Variants in WDR25 observed in about 807,000 individuals in gnomAD.
WDR25 encodes WD repeat-containing protein 25.
WDR25 carries 35 observed loss-of-function variants against 47.7 expected under a neutral mutation model. The ratio of observed to expected loss-of-function variants is 0.73; its 90% CI spans 0.56 to 0.97. The LOEUF (loss-of-function observed/expected upper bound fraction) is 0.97. WDR25 is among the 50% of genes least tolerant of loss of function. The probability of loss-of-function intolerance (pLI) is 0.00; values close to 1 mark genes in which losing one functional copy is unlikely to be tolerated. For synonymous variants in WDR25, 248 were observed against 278.9 expected (o/e 0.89, Z 1.10); for missense variants, 634 against 704.7 (o/e 0.90, Z 1.14).
intron 2 of WDR25, among the ~76,000 whole-genome samples, chr14:100,456,443 C>T (rs1899206426): frequency 3.9e-5 from 6 of 152,102 alleles, no homozygotes; most frequent in Admixed American, 3.9e-4. Context: ...CCAGAAATGG[C>T]ACAGATGATA....
chr14:100,497,761 ACT>A (rs1900782284), intron 4 of WDR25, among the ~76,000 whole-genome samples: 1 of 151,916 alleles, frequency 6.6e-6, no homozygotes. Context: ...CTGTCCTCCA[ACT>A]CTCTAGTGAT....
At chr14:100,456,893 C>T (rs554841525) in intron 2 of WDR25, among the ~76,000 whole-genome samples, 50 of 152,304 alleles carry the variant, frequency 3.3e-4, no homozygotes, top group African/African-American at 1.2e-3. Flanking sequence ...TCTCAGTGAA[C>T]CCCTGGCACA....
At chr14:100,461,349 A>G (rs573587121) in intron 2 of WDR25, among the ~76,000 whole-genome samples, 3 of 152,370 alleles carry the variant, frequency 2.0e-5, no homozygotes, top group South Asian at 4.1e-4. Context: ...CATACGAGAA[A>G]TCAACAATCT....
At chr14:100,417,322 A>T (rs1412030128) in intron 2 of WDR25, among the ~76,000 whole-genome samples, 1 of 152,244 alleles carries the variant, frequency 6.6e-6, no homozygotes, top group Non-Finnish European at 1.5e-5. Flanking sequence ...GGCACATGCC[A>T]CATGCTTTGC....
chr14:100,513,662 G>A (rs940745381), intron 4 of WDR25, among the ~76,000 whole-genome samples: 4 of 150,502 alleles, frequency 2.7e-5, no homozygotes, highest in African/African-American at 4.9e-5. Flanking sequence ...CTAATGAATT[G>A]ATTCTTTTAT....
rs75711880 is a variant in WDR25 at position 100,457,780 on chromosome 14, A to G, written c.823-10241A>G. Among the ~76,000 whole-genome samples, 1,088 of 152,332 alleles carry G rather than the reference A, an allele frequency of 7.1e-3. 20 individuals carry two copies. Among genetic ancestry groups the G allele is most frequent in the African/African-American group, 0.025 (1,032 of 41,572 alleles). ...TGTAGATGTAAAATACACAATAACAATAGCACAAAGGCTAGGATGGAGGAG... is the reference window on the plus strand; with the variant it reads ...TGTAGATGTAAAATACACAATAACAGTAGCACAAAGGCTAGGATGGAGGAG... On this transcript the variant is annotated intron_variant, in intron 2 of 6. Transcript: ENST00000402312.
At position 100,468,298 on chromosome 14, in the gene WDR25, C is replaced by A; in HGVS notation, c.970+130C>A. On this transcript the variant is annotated intron_variant, in intron 3 of 6. Coordinates refer to ENST00000402312, the MANE Select transcript of WDR25 (RefSeq NM_001161476.3). The surrounding 1 kb of genome is among the most constrained non-coding windows in gnomAD (Gnocchi z 4.5). ...AGGGAGAGGGGCCTCAGGGTGGGCTCGTGCTCGGTGAGAGGGCTTCCAGAC... is the reference window on the plus strand; with the variant it reads ...AGGGAGAGGGGCCTCAGGGTGGGCTAGTGCTCGGTGAGAGGGCTTCCAGAC... The A allele has an allele frequency of 7.3e-7, 1 of 1,367,778 alleles. No homozygotes were observed. Among genetic ancestry groups the A allele is most frequent in the Non-Finnish European group, 9.8e-7 (1 of 1,018,542 alleles). 84.7% of individuals were successfully genotyped at this position (1,367,778 alleles called of 1,614,324 possible).
At chr14:100,406,511 T>C (rs1485857978) in intron 2 of WDR25, 1 of 152,180 alleles carries the variant, frequency 6.6e-6, no homozygotes, top group East Asian at 1.9e-4. Flanking sequence ...GAGCCAGGAA[T>C]TGAGTGGGGA....
Position 100,381,756 on chromosome 14 carries a change from G to C in WDR25, c.822+10G>C. ...GGATAAAACTTTCAAGGTAAGACTT[G>C]AATGAAAACTTCTGCTTTCAGATGC... is the stretch of plus-strand genomic sequence containing the variant. On this transcript the variant is annotated intron_variant, in intron 2 of 6. Transcript: ENST00000402312. 6.3e-7 allele frequency: 1 copy of C among 1,575,826 alleles called. No homozygotes were observed. Among genetic ancestry groups the C allele is most frequent in the Non-Finnish European group, 8.6e-7 (1 of 1,159,690 alleles).
intron 2 of WDR25, among the ~76,000 whole-genome samples, chr14:100,391,020 G>A (rs1897132507): frequency 6.6e-6 from 1 of 151,928 alleles, no homozygotes; most frequent in South Asian, 2.1e-4. Context: ...CTCTTATCTG[G>A]GCAATTTACG....
chr14:100,394,987 A>G (rs1373069666), intron 2 of WDR25, among the ~76,000 whole-genome samples: 2 of 152,034 alleles, frequency 1.3e-5, no homozygotes. Context: ...AACAACAATG[A>G]AATCGATGAG....
In WDR25 at chr14:100,468,294, G is replaced by T. The variant is rs1899713235; in HGVS notation, c.970+126G>T. ...GCAGAGGGAGAGGGGCCTCAGGGTGGGCTCGTGCTCGGTGAGAGGGCTTCC... is the reference window on the plus strand; with the variant it reads ...GCAGAGGGAGAGGGGCCTCAGGGTGTGCTCGTGCTCGGTGAGAGGGCTTCC... On this transcript the variant is annotated intron_variant, in intron 3 of 6. Coordinates refer to ENST00000402312, the MANE Select transcript of WDR25 (RefSeq NM_001161476.3). This position sits in a 1 kb window ranked among gnomAD's most constrained non-coding sequence, Gnocchi z 4.5. 4 of 1,407,950 alleles carry T rather than the reference G, an allele frequency of 2.8e-6. No homozygotes were observed. In the South Asian group the frequency reaches 5.5e-5, roughly 20 times the overall value. The allele number at this position is 1,407,950 out of a possible 1,614,324, so 87.2% of individuals were successfully genotyped here.
chr14:100,384,445 G>C (rs923698247), intron 2 of WDR25, among the ~76,000 whole-genome samples: 9 of 152,244 alleles, frequency 5.9e-5, no homozygotes, highest in Admixed American at 2.6e-4. Context: ...CCAGGCAGGA[G>C]CTGTGGCCAG....
intron 4 of WDR25, among the ~76,000 whole-genome samples, chr14:100,514,495 T>C (rs1901427800): frequency 6.6e-6 from 1 of 152,158 alleles, no homozygotes; most frequent in African/African-American, 2.4e-5. Flanking sequence ...ATTTTTATGA[T>C]TTCATCTTAA....
chr14:100,438,901 T>C (rs1898580191), intron 2 of WDR25, among the ~76,000 whole-genome samples: 1 of 152,198 alleles, frequency 6.6e-6, no homozygotes, highest in Non-Finnish European at 1.5e-5. Context: ...GGATTTGAAC[T>C]CAGAACTGCC....
chr14:100,398,857 TCC>T (rs1897315553), intron 2 of WDR25, among the ~76,000 whole-genome samples: 1 of 151,054 alleles, frequency 6.6e-6, no homozygotes, highest in Non-Finnish European at 1.5e-5. Flanking sequence ...ACCCTGCACA[TCC>T]TGGCTGATGT....
chr14:100,401,138 A>C (rs1566891470), intron 2 of WDR25, among the ~76,000 whole-genome samples: 2 of 152,144 alleles, frequency 1.3e-5, no homozygotes, highest in African/African-American at 2.4e-5. Context: ...TTTGTCTCAC[A>C]ATAATATTTC....
At position 100,401,240 on chromosome 14, in the gene WDR25, G is replaced by A. The variant is rs187233218; in HGVS notation, c.822+19494G>A. ...CCGTGGCTGCAGCCTCTGCCCCACC[G>A]AGCCAGAGCCAGAGAGGCCCAGTTT... On this transcript the variant is annotated intron_variant, in intron 2 of 6. Transcript: ENST00000402312. 4.0e-4 allele frequency among the ~76,000 whole-genome samples: 61 copies of A among 152,204 alleles called. 2 individuals carry two copies. The East Asian group carries it at 8.1e-3, about 20-fold the overall frequency.
intron 4 of WDR25, among the ~76,000 whole-genome samples, chr14:100,484,637 C>G (rs2140321390): frequency 1.3e-5 from 2 of 152,266 alleles, no homozygotes; most frequent in Middle Eastern, 6.8e-3. Context: ...TTATTACAAC[C>G]TGCTGTGCCT....
Sources: gnomAD v4.1 joint callset for allele counts (sites outside exome capture counted in the v4.1 genomes callset) on GRCh38, gnomAD v4.1.1 for gene constraint, Gnocchi (gnomAD v3.1) non-coding constraint, MANE v1.5 for transcripts, NCBI Gene and HGNC (gene_info 2026-07-23, HGNC 2026-07-21) for gene names.